Variants in DCBLD1 observed in about 807,000 individuals in gnomAD.
DCBLD1 encodes discoidin, CUB and LCCL domain containing 1, also known as discoidin, CUB and LCCL domain-containing protein 1.
Under a neutral mutation model 71.5 loss-of-function variants are expected in DCBLD1, and 57 were observed. The observed-to-expected ratio is 0.80, with a 90% CI of 0.64 to 0.99. The LOEUF (loss-of-function observed/expected upper bound fraction) is 0.99. Among genes scored for constraint, DCBLD1 ranks in the 50% least tolerant of loss-of-function variants. The pLI, the probability that DCBLD1 is intolerant of heterozygous loss-of-function variation, is 0.00. For missense variants in DCBLD1, 891 were observed against 923.5 expected (o/e 0.96, Z 0.46); for synonymous variants, 380 against 363.8 (o/e 1.04, Z -0.51).
intron 1 of DCBLD1, among the ~76,000 whole-genome samples, chr6:117,486,722 C>T (rs1381623344): frequency 6.6e-6 from 1 of 152,198 alleles, no homozygotes; most frequent in Non-Finnish European, 1.5e-5. Flanking sequence ...ACTTGAAACC[C>T]TCTCTTCATT....
At position 117,503,945 on chromosome 6, in the gene DCBLD1, C is replaced by G; in HGVS notation, c.291C>G (p.Asp97Glu). Residue 97 changes from aspartate to glutamate, a missense_variant, in exon 2 of 15, where the codon GAC becomes GAG. Transcript: ENST00000338728. Reference protein sequence around the residue: ...LDIESQTCASDYLLFTSSSDQ... With the variant: ...LDIESQTCASEYLLFTSSSDQ... ...TCGAATCCCAGACCTGTGCTTCTGA[C>G]TATCTTCTCTTCACCAGCTCTTCAG... The G allele has an allele frequency of 6.2e-7, 1 of 1,614,114 alleles. No homozygotes were observed. Among genetic ancestry groups the G allele is most frequent in the Non-Finnish European group, 8.5e-7 (1 of 1,179,998 alleles).
At chr6:117,527,795 G>GA (rs1778590621) in intron 5 of DCBLD1, among the ~76,000 whole-genome samples, 1 of 151,966 alleles carries the variant, frequency 6.6e-6, no homozygotes, top group African/African-American at 2.4e-5. Context: ...CAGGAGGTGT[G>GA]AGGGGGGAAC....
chr6:117,537,100 T>A (rs943364542), intron 6 of DCBLD1, 85 bp from the exon 7 acceptor site: 1 of 1,398,278 alleles, frequency 7.2e-7, no homozygotes, highest in African/African-American at 1.4e-5. Context: ...GTGGGAAAGT[T>A]CTGTGAGCCC....
chr6:117,537,298 G>A, intron 7 of DCBLD1, 73 bp downstream of exon 7: 1 of 1,399,482 alleles, frequency 7.1e-7, no homozygotes, highest in East Asian at 2.3e-5. Context: ...ACTTTGGGAG[G>A]CCGAGGCAGG....
intron 2 of DCBLD1, among the ~76,000 whole-genome samples, chr6:117,507,130 G>A (rs1777870215): frequency 6.6e-6 from 1 of 152,230 alleles, no homozygotes; most frequent in Non-Finnish European, 1.5e-5. Flanking sequence ...CTTGGAATGT[G>A]ATTACATTAA....
At chr6:117,520,093 A>T in intron 3 of DCBLD1, 143 bp downstream of exon 3, 1 of 1,352,646 alleles carries the variant, frequency 7.4e-7, no homozygotes, top group Non-Finnish European at 1.0e-6. Flanking sequence ...GTATCTTTGT[A>T]AATGGTTAGG....
intron 14 of DCBLD1, among the ~76,000 whole-genome samples, chr6:117,559,203 G>A (rs772221531): frequency 5.3e-5 from 8 of 152,120 alleles, no homozygotes; most frequent in South Asian, 2.1e-4. Flanking sequence ...AGAAGCAGAC[G>A]CCAACACCAA....
intron 2 of DCBLD1, among the ~76,000 whole-genome samples, 173 bp from the exon 3 acceptor site, chr6:117,519,643 A>G (rs1778317689): frequency 1.3e-5 from 2 of 152,182 alleles, no homozygotes; most frequent in Admixed American, 1.3e-4. Flanking sequence ...TTAGTTCACA[A>G]TCAGTCAGAA....
chr6:117,554,139 A>T (rs1779466062), downstream of DCBLD1, among the ~76,000 whole-genome samples: 2 of 152,190 alleles, frequency 1.3e-5, no homozygotes. Flanking sequence ...TGTCCTTATT[A>T]TTCCTAGTAG....
In DCBLD1 at chr6:117,514,737, T is replaced by C. The variant is rs1463849684; in HGVS notation, c.326-5079T>C. Among the ~76,000 whole-genome samples the C allele has an allele frequency of 3.3e-5, 5 of 152,136 alleles. No individual in the cohort carries two copies. The East Asian group carries it at 9.6e-4, about 29-fold the overall frequency. On this transcript the variant is annotated intron_variant, in intron 2 of 14. Transcript: ENST00000338728. ...GTAAGGGTAATTAAAGGGGCATGTG[T>C]TTACATTTTCCTTCTTTGATCTGCT...
intron 14 of DCBLD1, chr6:117,566,720 A>G (rs1766699253): frequency 3.6e-6 from 2 of 562,370 alleles, no homozygotes; most frequent in East Asian, 2.9e-5. Context: ...CAATAAAACA[A>G]TAAACAAGGG....
chr6:117,486,659 C>A (rs894292999), intron 1 of DCBLD1, among the ~76,000 whole-genome samples: 1 of 152,204 alleles, frequency 6.6e-6, no homozygotes, highest in Non-Finnish European at 1.5e-5. Context: ...AAAGCTTGCT[C>A]CTCCTTCAGT....
At chr6:117,534,753 T>C (rs1262010725) in intron 6 of DCBLD1, among the ~76,000 whole-genome samples, 1 of 150,264 alleles carries the variant, frequency 6.7e-6, no homozygotes, top group Non-Finnish European at 1.5e-5. Flanking sequence ...TAATATATTT[T>C]ATATAATTTG....
chr6:117,563,362 A>C (rs1443178629), intron 14 of DCBLD1: 1 of 1,613,552 alleles, frequency 6.2e-7, no homozygotes, highest in Non-Finnish European at 8.5e-7. Flanking sequence ...CATGTGTGTC[A>C]GTTACTGCCT....
At chr6:117,558,712 A>G (rs1051498189) in intron 14 of DCBLD1, among the ~76,000 whole-genome samples, 2 of 152,218 alleles carry the variant, frequency 1.3e-5, no homozygotes, top group Non-Finnish European at 2.9e-5. Flanking sequence ...AATGTGTAAC[A>G]ATACATCAAG....
intron 2 of DCBLD1, among the ~76,000 whole-genome samples, chr6:117,504,260 A>G (rs1288536925): frequency 6.6e-6 from 1 of 152,214 alleles, no homozygotes; most frequent in Non-Finnish European, 1.5e-5. Context: ...TTGGTAAACC[A>G]TCTATACAGT....
At chr6:117,534,389 A>C (rs1366442254) in intron 6 of DCBLD1, among the ~76,000 whole-genome samples, 1 of 152,192 alleles carries the variant, frequency 6.6e-6, no homozygotes, top group Non-Finnish European at 1.5e-5. Flanking sequence ...TTAAATGCCA[A>C]CTTGAACTTG....
At chr6:117,537,901 A>G (rs1187258600) in intron 7 of DCBLD1, among the ~76,000 whole-genome samples, 2 of 152,132 alleles carry the variant, frequency 1.3e-5, no homozygotes, top group Non-Finnish European at 2.9e-5. Context: ...TATTTATTTT[A>G]AAATAAATCC....
At chr6:117,554,891 CA>C (rs34693828) in intron 14 of DCBLD1, among the ~76,000 whole-genome samples, 94,570 of 137,624 alleles carry the variant, frequency 0.69, 31,195 homozygotes, top group African/African-American at 0.79. Flanking sequence ...GACTCAGTTG[CA>C]AAAAAAAAAA....
Sources: allele counts gnomAD v4.1 joint callset (sites outside exome capture counted in the v4.1 genomes callset), GRCh38; gene constraint gnomAD v4.1.1; transcripts MANE v1.5; gene names NCBI Gene and HGNC (gene_info 2026-07-23, HGNC 2026-07-21).